The following CPB1 variants were observed in gnomAD, a reference collection of about 807,000 sequenced individuals.
CPB1 encodes the protein carboxypeptidase B1.
Under a neutral mutation model 51.4 loss-of-function variants are expected in CPB1, and 53 were observed. The observed-to-expected ratio is 1.03, with a 90% CI of 0.83 to 1.30. The LOEUF (loss-of-function observed/expected upper bound fraction) is 1.30, where lower values mean the gene tolerates loss of function less well. Among genes scored for constraint, CPB1 ranks in the 50% most tolerant of loss-of-function variants. The probability of loss-of-function intolerance (pLI) is 0.00; values close to 1 mark genes in which losing one functional copy is unlikely to be tolerated. For missense variants in CPB1, 494 were observed against 516.2 expected (o/e 0.96, Z 0.42); for synonymous variants, 189 against 186.9 (o/e 1.01, Z -0.09).
intron 10 of CPB1, among the ~76,000 whole-genome samples, chr3:148,859,176 A>G (rs1216524013): frequency 2.0e-5 from 3 of 152,220 alleles, no homozygotes; most frequent in Non-Finnish European, 4.4e-5. Context: ...TTGTTCTGGC[A>G]TCTTCAGAGT....
intron 10 of CPB1, 70 bp from the exon 11 acceptor site, chr3:148,859,745 G>C: frequency 6.8e-7 from 1 of 1,463,108 alleles, no homozygotes; most frequent in Non-Finnish European, 9.2e-7. Context: ...AATGAAAAAA[G>C]AAACTGGCAA....
chr3:148,854,868 G>A (rs1169737535), intron 9 of CPB1: 2 of 152,182 alleles, frequency 1.3e-5, no homozygotes, highest in East Asian at 3.8e-4. Flanking sequence ...TGCTTCCTAA[G>A]AGAGTAGAGG....
intron 9 of CPB1, chr3:148,854,173 G>C (rs1356273163): frequency 6.6e-6 from 1 of 152,162 alleles, no homozygotes; most frequent in African/African-American, 2.4e-5. Flanking sequence ...CTTAGCAGGG[G>C]TCAGTCATCT....
chr3:148,858,283 G>C (rs150397519), intron 10 of CPB1, among the ~76,000 whole-genome samples: 5 of 152,092 alleles, frequency 3.3e-5, no homozygotes, highest in African/African-American at 1.2e-4. Context: ...ATAAGACAGA[G>C]TGTTTTCAGC....
rs142643917 is a variant in CPB1, at chr3:148,841,280, GT to G, written c.474+308del. On this transcript the variant is annotated intron_variant, in intron 5 of 10. Coordinates refer to ENST00000282957, the MANE Select transcript of CPB1 (RefSeq NM_001871.3). ...ATGAAATTCTTCTTTCCCAGCTGTG[GT>G]TTGCAAATCCATTTTTAAAGAGGTT... Among the ~76,000 whole-genome samples the G allele has an allele frequency of 4.1e-3, 620 of 152,238 alleles. 6 individuals are homozygous for G. The highest frequency in any genetic ancestry group is 0.014 in the African/African-American group (600 of 41,528).
At chr3:148,858,040 A>C (rs1713635253) in intron 10 of CPB1, among the ~76,000 whole-genome samples, 1 of 152,208 alleles carries the variant, frequency 6.6e-6, no homozygotes, top group Non-Finnish European at 1.5e-5. Flanking sequence ...AGAGAGAAGA[A>C]AAGATGAAAA....
chr3:148,840,854 C>T lies in CPB1; in HGVS notation c.373-20C>T. Reference sequence around the variant, plus strand: ...GAACCAAGAATGCCACATTGATCTACAAATGATTCCATTTGGTAGATAGAG... The same window carrying T: ...GAACCAAGAATGCCACATTGATCTATAAATGATTCCATTTGGTAGATAGAG... On this transcript the variant is annotated intron_variant, in intron 4 of 10. Transcript: ENST00000282957. 6.2e-7 allele frequency: 1 copy of T among 1,613,786 alleles called. No homozygotes were observed. Among genetic ancestry groups the T allele is most frequent in the Non-Finnish European group, 8.5e-7 (1 of 1,179,692 alleles).
intron 10 of CPB1, among the ~76,000 whole-genome samples, chr3:148,858,270 A>G (rs1312727961): frequency 6.6e-6 from 1 of 152,134 alleles, no homozygotes; most frequent in Non-Finnish European, 1.5e-5. Flanking sequence ...GCTGGAGGAA[A>G]ATATAAGACA....
At chr3:148,828,410 A>T (rs1401046933) in intron 2 of CPB1, among the ~76,000 whole-genome samples, 3 of 152,210 alleles carry the variant, frequency 2.0e-5, no homozygotes, top group Admixed American at 6.5e-5. Flanking sequence ...CTTGGATATT[A>T]CTGAAAAACT....
chr3:148,833,822 A>G (rs1434835470), intron 2 of CPB1, among the ~76,000 whole-genome samples: 1 of 152,048 alleles, frequency 6.6e-6, no homozygotes, highest in Non-Finnish European at 1.5e-5. Flanking sequence ...TGATTTGCCC[A>G]CTAATGTATT....
chr3:148,838,976 G>A (rs1477357243), intron 3 of CPB1, among the ~76,000 whole-genome samples: 1 of 113,394 alleles, frequency 8.8e-6, no homozygotes, highest in Admixed American at 8.6e-5. Context: ...CAGACTGATG[G>A]TCCCCAAAAA....
chr3:148,831,086 C>T (rs1280448931), intron 2 of CPB1, among the ~76,000 whole-genome samples: 1 of 152,204 alleles, frequency 6.6e-6, no homozygotes, highest in Non-Finnish European at 1.5e-5. Flanking sequence ...CGTGACCACA[C>T]TGTACTCCAG....
intron 2 of CPB1, among the ~76,000 whole-genome samples, chr3:148,830,612 A>G (rs1198796423): frequency 1.3e-5 from 2 of 152,214 alleles, no homozygotes; most frequent in African/African-American, 4.8e-5. Flanking sequence ...TATGGCTAGT[A>G]TAATCAATCA....
At chr3:148,857,062 G>GTTTTTTTTTTTTTTTTTTTTT (rs35574359) in intron 9 of CPB1, 1 of 48,178 alleles carries the variant, frequency 2.1e-5, no homozygotes, top group Admixed American at 2.1e-4. Flanking sequence ...ATTGCCAAGT[G>GTTTTTTTTTTTTTTTTTTTTT]TTTTTTTTTT....
At chr3:148,837,481 A>G (rs1288544243) in intron 3 of CPB1, among the ~76,000 whole-genome samples, 67 of 83,596 alleles carry the variant, frequency 8.0e-4, no homozygotes, top group African/African-American at 2.4e-3. Context: ...TGTGTGTTAG[A>G]AAAAAAAAAA....
At chr3:148,844,884 C>G in intron 8 of CPB1, 117 bp downstream of exon 8, 1 of 878,914 alleles carries the variant, frequency 1.1e-6, no homozygotes, top group Non-Finnish European at 1.7e-6. Flanking sequence ...AAGTTCTAAC[C>G]TTCTAAAAGC....
chr3:148,857,689 C>CAA (rs5853380), intron 10 of CPB1, 148 bp downstream of exon 10: 147,399 of 312,314 alleles, frequency 0.47, 28,395 homozygotes, highest in African/African-American at 0.64. Context: ...GTTTTCTGTT[C>CAA]AAAAAAAAAA....
chr3:148,859,738 G>A, intron 10 of CPB1, 77 bp from the exon 11 acceptor site: 1 of 1,426,674 alleles, frequency 7.0e-7, no homozygotes, highest in East Asian at 2.3e-5. Flanking sequence ...CATTTGTAAT[G>A]AAAAAAGAAA....
intron 3 of CPB1, among the ~76,000 whole-genome samples, chr3:148,836,704 T>A (rs1712916138): frequency 6.6e-6 from 1 of 152,186 alleles, no homozygotes; most frequent in Non-Finnish European, 1.5e-5. Flanking sequence ...AGCACATTTG[T>A]AGCATATAAT....
Sources: gnomAD v4.1 joint callset for allele counts (sites outside exome capture counted in the v4.1 genomes callset) on GRCh38, gnomAD v4.1.1 for gene constraint, MANE v1.5 for transcripts, NCBI Gene and HGNC (gene_info 2026-07-23, HGNC 2026-07-21) for gene names.